The following SLC22A16 variants were observed in gnomAD, a reference collection of about 807,000 sequenced individuals.
The protein encoded by SLC22A16 is WUGSC:RG331P03.1.
Under a neutral mutation model 52.9 loss-of-function variants are expected in SLC22A16, and 53 were observed. The ratio of observed to expected loss-of-function variants is 1.00; its 90% confidence interval spans 0.80 to 1.26. SLC22A16 has a LOEUF of 1.26. Among genes scored for constraint, SLC22A16 ranks in the 50% most tolerant of loss-of-function variants. SLC22A16 has a pLI of 0.00. For missense variants in SLC22A16, 726 were observed against 704.0 expected (o/e 1.03, Z -0.35); for synonymous variants, 291 against 268.8 (o/e 1.08, Z -0.81).
chr6:110,476,507 G>GCCCCCCCCCCCCCCCCCCCCCCCCCCACC lies in SLC22A16; in HGVS notation c.53+14_53+15insGGTGGGGGGGGGGGGGGGGGGGGGGGGGG, dbSNP rs1554229887. 1 of 1,073,108 alleles carries GCCCCCCCCCCCCCCCCCCCCCCCCCCACC rather than the reference G, an allele frequency of 9.3e-7. No homozygotes were observed. The highest frequency in any genetic ancestry group is 2.8e-5 in the African/African-American group (1 of 35,566). 66.5% of individuals were successfully genotyped at this position (1,073,108 alleles called of 1,614,324 possible). The stretch of plus-strand genomic sequence containing the variant: ...GCCGCCTCCCGCGTGGCGCCGCGGG[G>GCCCCCCCCCCCCCCCCCCCCCCCCCCACC]CCCCTCCCCCATACCTGCCGAAGTG... On this transcript the variant is annotated intron_variant, in intron 1 of 7. Coordinates refer to ENST00000368919, the MANE Select transcript of SLC22A16 (RefSeq NM_033125.4).
intron 6 of SLC22A16, among the ~76,000 whole-genome samples, chr6:110,434,726 T>C (rs924587581): frequency 2.6e-5 from 4 of 152,086 alleles, no homozygotes; most frequent in Non-Finnish European, 5.9e-5. Flanking sequence ...ATGCCTGTAA[T>C]CCCAACACTT....
chr6:110,443,092 G>A (rs996770541), intron 3 of SLC22A16, among the ~76,000 whole-genome samples: 1 of 152,118 alleles, frequency 6.6e-6, no homozygotes, highest in African/African-American at 2.4e-5. Context: ...CCTTGTAAAT[G>A]CATACATCAA....
intron 1 of SLC22A16, among the ~76,000 whole-genome samples, chr6:110,459,916 T>C (rs767175649): frequency 6.6e-6 from 1 of 152,052 alleles, no homozygotes; most frequent in Non-Finnish European, 1.5e-5. Context: ...GACAACAGGA[T>C]AGAACAGATA....
At chr6:110,433,963 G>T (rs1033125122) in intron 6 of SLC22A16, among the ~76,000 whole-genome samples, 1 of 152,118 alleles carries the variant, frequency 6.6e-6, no homozygotes, top group Non-Finnish European at 1.5e-5. Flanking sequence ...CTGACGGGCC[G>T]GACGCAGTGG....
At chr6:110,454,789 T>G (rs1238582471) in intron 2 of SLC22A16, among the ~76,000 whole-genome samples, 1 of 58,390 alleles carries the variant, frequency 1.7e-5, no homozygotes, top group Non-Finnish European at 2.8e-5. Flanking sequence ...TATAAATATA[T>G]AAATATATAT....
chr6:110,472,616 C>A (rs1192354612), intron 1 of SLC22A16, among the ~76,000 whole-genome samples: 1 of 152,156 alleles, frequency 6.6e-6, no homozygotes, highest in African/African-American at 2.4e-5. Flanking sequence ...TTCCCTTTCC[C>A]TTTTGCAAGA....
intron 2 of SLC22A16, among the ~76,000 whole-genome samples, chr6:110,450,423 C>T (rs951917987): frequency 2.0e-4 from 31 of 151,746 alleles, no homozygotes; most frequent in Non-Finnish European, 3.4e-4. Context: ...ACCAGCCTGG[C>T]CAACATGGTG....
At position 110,476,583 on chromosome 6, in the gene SLC22A16, C is replaced by T; in HGVS notation, c.-9G>A. 1.3e-6 allele frequency: 2 copies of T among 1,530,168 alleles called. No individual in the cohort carries two copies. Among genetic ancestry groups the T allele is most frequent in the Non-Finnish European group, 1.8e-6 (2 of 1,139,886 alleles). 94.8% of individuals were successfully genotyped at this position (1,530,168 alleles called of 1,614,324 possible). A position where few individuals can be genotyped will look rare whatever the true frequency, so the allele number is the denominator to read the frequency against. On this transcript the variant is annotated 5_prime_UTR_variant, in exon 1 of 8. Transcript: ENST00000368919. The stretch of plus-strand genomic sequence containing the variant: ...AAGTGGCGGGACCCCATGGTGCGGC[C>T]GTGCACTGGGCGCCGAGTTAGCCGA...
At chr6:110,435,663 G>C (rs564761450) in intron 6 of SLC22A16, among the ~76,000 whole-genome samples, 189 bp downstream of exon 6, 1 of 152,112 alleles carries the variant, frequency 6.6e-6, no homozygotes, top group Non-Finnish European at 1.5e-5. Context: ...AAAATAATTC[G>C]TCTAATATCC....
At position 110,442,454 on chromosome 6, in the gene SLC22A16, G is replaced by A. The variant is rs546437058; in HGVS notation, c.973C>T (p.Leu325Phe). The change falls in exon 4 of 8, where the codon CTT becomes TTT. Residue 325 changes from leucine (L) to phenylalanine (F), a missense_variant. Physicochemically the swap from Leu to Phe is conservative, Grantham distance 22. Transcript: ENST00000368919. Reference protein sequence around the residue: ...NRASSCKLSELLSLDLQGPVS... With the variant: ...NRASSCKLSEFLSLDLQGPVS... ...GGACCTTGTAGGTCCAGTGATAAAA[G>A]TTCTGACAGTTTACAGGAGCTTGCC... 2.5e-6 allele frequency: 4 copies of A among 1,614,210 alleles called. No individual in the cohort carries two copies. The highest frequency in any genetic ancestry group is 3.4e-6 in the Non-Finnish European group (4 of 1,180,044).
chr6:110,468,234 G>C (rs1163417489), intron 1 of SLC22A16, among the ~76,000 whole-genome samples: 1 of 152,180 alleles, frequency 6.6e-6, no homozygotes, highest in Non-Finnish European at 1.5e-5. Flanking sequence ...CTATTCTTAG[G>C]GTCTCTTTGG....
At chr6:110,463,514 T>A (rs200769340) in intron 1 of SLC22A16, among the ~76,000 whole-genome samples, 37 of 53,258 alleles carry the variant, frequency 6.9e-4, no homozygotes, top group African/African-American at 8.6e-4. Flanking sequence ...GTAACAACAG[T>A]AAAAAAAAAA....
At chr6:110,435,789 A>T in intron 6 of SLC22A16, 63 bp downstream of exon 6, 1 of 1,255,318 alleles carries the variant, frequency 8.0e-7, no homozygotes, top group Non-Finnish European at 1.1e-6. Flanking sequence ...AAGGCCAAAT[A>T]CAATGAAATG....
chr6:110,446,965 C>A lies in SLC22A16; in HGVS notation c.559G>T (p.Ala187Ser). ...AACAAAAACATGCTACTGCTTGTGG[C>A]CCACAAGACCACCCGGCGTCCTAGC... is the stretch of plus-strand genomic sequence containing the variant. ...DRLGRRVVLW[A>S]TSSSMFLFGI... is the part of the protein sequence containing the mutation. Residue 187 changes from alanine to serine, a missense_variant, in exon 3 of 8, where the codon GCC (alanine) becomes TCC (serine). By Grantham distance (99) the Ala-to-Ser change is moderately conservative (BLOSUM62 1). Transcript: ENST00000368919. The A allele has an allele frequency of 1.2e-6, 2 of 1,613,818 alleles. No homozygotes were observed. Among genetic ancestry groups the A allele is most frequent in the Non-Finnish European group, 8.5e-7 (1 of 1,179,848 alleles).
At chr6:110,454,643 A>G (rs1201419750) in intron 2 of SLC22A16, among the ~76,000 whole-genome samples, 1 of 48,770 alleles carries the variant, frequency 2.1e-5, no homozygotes, top group East Asian at 7.1e-4. Context: ...TATATATTAT[A>G]TATTTTATAT....
intron 1 of SLC22A16, among the ~76,000 whole-genome samples, chr6:110,466,542 C>T (rs1346098481): frequency 1.3e-5 from 2 of 152,048 alleles, no homozygotes; most frequent in Non-Finnish European, 2.9e-5. Flanking sequence ...TATCACTAAT[C>T]ATCAGAGAAA....
In SLC22A16 at chr6:110,442,518, T is replaced by G; in HGVS notation, c.909A>C (p.Glu303Asp). ...CCATGATGTCAACTATTTTTTGTGC[T>G]TCTTCATATCGTCCCTCTGAGAGAA... ...FWLLSEGRYE[E>D]AQKIVDIMAK... The change falls in exon 4 of 8, where the codon GAA (glutamate) becomes GAC (aspartate). Residue 303 changes from glutamate to aspartate, a missense_variant. Glu to Asp is a conservative substitution (Grantham distance 45). Transcript: ENST00000368919. 6.2e-7 allele frequency: 1 copy of G among 1,614,202 alleles called. No homozygotes were observed.
intron 1 of SLC22A16, among the ~76,000 whole-genome samples, chr6:110,460,939 G>A (rs1488762473): frequency 6.6e-6 from 1 of 152,176 alleles, no homozygotes; most frequent in East Asian, 1.9e-4. Flanking sequence ...CTCTGAAAGG[G>A]GCGGTAGTAG....
Position 110,456,554 on chromosome 6 carries a change from CA to C in SLC22A16, c.516del (p.Phe172LeufsTer8). On this transcript the variant is annotated frameshift_variant, in exon 2 of 8. Coordinates refer to ENST00000368919, the MANE Select transcript of SLC22A16 (RefSeq NM_033125.4). LOFTEE classifies it high-confidence loss of function. ...TGATTTTACCTGTCAGAAAAGTAGC[CA>C]AAAGTCACCGATCCCAGTAGGACTC... ...MFGVLLGSVT[F>X]GYFSDRLGRR... 6.2e-7 allele frequency: 1 copy of C among 1,613,814 alleles called. No homozygotes were observed. Among genetic ancestry groups the C allele is most frequent in the Non-Finnish European group, 8.5e-7 (1 of 1,179,790 alleles).
Sources: allele counts gnomAD v4.1 joint callset (sites outside exome capture counted in the v4.1 genomes callset), GRCh38; gene constraint gnomAD v4.1.1; transcripts MANE v1.5; gene names NCBI Gene and HGNC (gene_info 2026-07-23, HGNC 2026-07-21).